The following OTUD7A variants were observed in gnomAD, a reference collection of about 807,000 sequenced individuals.
The protein encoded by OTUD7A is OTU deubiquitinase 7A, also known as OTU domain-containing protein 7A.
OTUD7A carries 12 observed loss-of-function variants against 65.7 expected under a neutral mutation model. The observed-to-expected ratio is 0.18, with a 90% CI of 0.12 to 0.30. The LOEUF (loss-of-function observed/expected upper bound fraction) is 0.30. Ranked by LOEUF, OTUD7A falls within the 10% of genes least tolerant of loss-of-function variation. OTUD7A has a pLI of 1.00. For missense variants in OTUD7A, 1,148 were observed against 1,304.8 expected, an observed-to-expected ratio of 0.88 and a Z score of 1.85; for synonymous variants, 641 against 586.3, an observed-to-expected ratio of 1.09 and a Z score of -1.35.
rs966855725 is a variant in OTUD7A, at chr15:31,478,308, C to G, written c.*4986G>C. ...TTCAGCCTATATTTACTCTTAAAAC[C>G]AAATGGTACTCTTCGCCTTATGTTA... is the stretch of plus-strand genomic sequence containing the variant. On this transcript the variant is annotated 3_prime_UTR_variant, in exon 13 of 13. Coordinates refer to ENST00000307050, the MANE Select transcript of OTUD7A (RefSeq NM_001382637.1). The G allele has an allele frequency of 2.0e-5, 3 of 152,094 alleles. No homozygotes were observed. The highest frequency in any genetic ancestry group is 6.6e-5 in the Admixed American group (1 of 15,262). The allele number at this position is 152,094 out of a possible 1,614,324, so 9.4% of individuals were successfully genotyped here.
chr15:31,504,360 G>A (rs2041523621), intron 8 of OTUD7A, among the ~76,000 whole-genome samples: 1 of 152,154 alleles, frequency 6.6e-6, no homozygotes, highest in Non-Finnish European at 1.5e-5. Flanking sequence ...AGAGCTGGAG[G>A]GGATGCGATG....
At chr15:31,849,743 T>C (rs1328512050) in intron 1 of OTUD7A, among the ~76,000 whole-genome samples, 1 of 152,188 alleles carries the variant, frequency 6.6e-6, no homozygotes, top group Non-Finnish European at 1.5e-5. Context: ...GGGCAAAGGA[T>C]ATGAACAGAC....
chr15:31,508,511 G>C (rs1226643958), intron 8 of OTUD7A, among the ~76,000 whole-genome samples: 1 of 152,164 alleles, frequency 6.6e-6, no homozygotes, highest in Admixed American at 6.5e-5. Context: ...CACCACGCTC[G>C]GCTAATTTCT....
intron 1 of OTUD7A, among the ~76,000 whole-genome samples, chr15:31,842,092 T>G (rs571946030): frequency 2.6e-5 from 4 of 152,320 alleles, no homozygotes; most frequent in African/African-American, 7.2e-5. Flanking sequence ...CACAAGGCCC[T>G]GTATGAATCT....
intron 3 of OTUD7A, among the ~76,000 whole-genome samples, chr15:31,587,759 A>G (rs1889592157): frequency 6.6e-6 from 1 of 152,158 alleles, no homozygotes; most frequent in Non-Finnish European, 1.5e-5. Flanking sequence ...GGCCCTTGGC[A>G]ATCTGGCCCC....
At chr15:31,608,319 T>C (rs1362625160) in intron 3 of OTUD7A, among the ~76,000 whole-genome samples, 1 of 152,010 alleles carries the variant, frequency 6.6e-6, no homozygotes, top group Non-Finnish European at 1.5e-5. Flanking sequence ...AACTGAAAAA[T>C]AGATGAACTA....
intron 5 of OTUD7A, among the ~76,000 whole-genome samples, chr15:31,549,805 T>C (rs2141144758): frequency 6.6e-6 from 1 of 152,204 alleles, no homozygotes. Context: ...TGCCATGCCA[T>C]AAGAAGAGAG....
chr15:31,861,537 A>G (rs563265534), intron 1 of OTUD7A, among the ~76,000 whole-genome samples: 57 of 152,310 alleles, frequency 3.7e-4, no homozygotes, highest in Middle Eastern at 6.8e-3. Context: ...CAGAACAGGC[A>G]GAGGACCCTG....
At chr15:31,774,794 C>CG (rs1895329022) in intron 1 of OTUD7A, among the ~76,000 whole-genome samples, 2 of 151,986 alleles carry the variant, frequency 1.3e-5, no homozygotes, top group East Asian at 1.9e-4. Flanking sequence ...GTATTTTCAC[C>CG]ATAACAGCAA....
chr15:31,868,229 G>A (rs538919033), intron 1 of OTUD7A, among the ~76,000 whole-genome samples: 17 of 152,336 alleles, frequency 1.1e-4, no homozygotes, highest in Middle Eastern at 6.8e-3. Context: ...GCGGGATGAA[G>A]AGGCTTTAAA....
At chr15:31,512,965 A>G (rs1211434446) in intron 8 of OTUD7A, among the ~76,000 whole-genome samples, 1 of 152,166 alleles carries the variant, frequency 6.6e-6, no homozygotes, top group Non-Finnish European at 1.5e-5. Flanking sequence ...AAGAACCTCT[A>G]TTTTACTTTT....
intron 5 of OTUD7A, among the ~76,000 whole-genome samples, chr15:31,550,537 A>C (rs566120205): frequency 6.6e-6 from 1 of 152,298 alleles, no homozygotes; most frequent in East Asian, 1.9e-4. Flanking sequence ...TTCAGCTGCA[A>C]GGAACTAAAT....
At chr15:31,674,941 T>C (rs1337072004) in intron 1 of OTUD7A, among the ~76,000 whole-genome samples, 3 of 152,202 alleles carry the variant, frequency 2.0e-5, no homozygotes, top group Admixed American at 6.5e-5. Context: ...GCACCAGCCG[T>C]AGACAGTCCA....
intron 3 of OTUD7A, among the ~76,000 whole-genome samples, chr15:31,609,996 G>A (rs894127056): frequency 6.6e-6 from 1 of 151,508 alleles, no homozygotes; most frequent in Non-Finnish European, 1.5e-5. Context: ...TCAGCTCACA[G>A]GAAAGGGGGA....
chr15:31,840,698 GA>G (rs1745069137), intron 1 of OTUD7A, among the ~76,000 whole-genome samples: 1 of 152,094 alleles, frequency 6.6e-6, no homozygotes, highest in African/African-American at 2.4e-5. Context: ...TACCACACAA[GA>G]ACAGGAAATA....
At chr15:31,666,221 C>A (rs1452435977) in intron 1 of OTUD7A, among the ~76,000 whole-genome samples, 8 of 151,108 alleles carry the variant, frequency 5.3e-5, no homozygotes, top group Admixed American at 2.6e-4. Flanking sequence ...GGAATAGCGT[C>A]GAATTCTGCT....
intron 1 of OTUD7A, among the ~76,000 whole-genome samples, chr15:31,853,086 C>T (rs1322152978): frequency 4.6e-5 from 7 of 152,196 alleles, no homozygotes; most frequent in Non-Finnish European, 7.3e-5. Flanking sequence ...ATCTCTAATA[C>T]AATAGCTTGT....
intron 8 of OTUD7A, among the ~76,000 whole-genome samples, chr15:31,525,465 C>T (rs756669385): frequency 9.2e-5 from 14 of 152,208 alleles, no homozygotes; most frequent in Non-Finnish European, 1.9e-4. Flanking sequence ...CTTTTCCAGC[C>T]GGGGCCTCCA....
chr15:31,844,862 T>C (rs146154978), intron 1 of OTUD7A, among the ~76,000 whole-genome samples: 1 of 152,334 alleles, frequency 6.6e-6, no homozygotes, highest in African/African-American at 2.4e-5. Flanking sequence ...TTTCTTCCTG[T>C]CACTCAGGGC....
Sources: allele counts gnomAD v4.1 joint callset (sites outside exome capture counted in the v4.1 genomes callset), GRCh38; gene constraint gnomAD v4.1.1; transcripts MANE v1.5; gene names NCBI Gene and HGNC (gene_info 2026-07-23, HGNC 2026-07-21).